CCDC178: variants seen among roughly 807,000 people sequenced by gnomAD.
CCDC178 encodes the protein coiled-coil domain-containing protein 178.
Under a neutral mutation model 117.4 loss-of-function variants are expected in CCDC178, and 126 were observed. The observed-to-expected ratio is 1.07, with a 90% CI of 0.93 to 1.24. CCDC178 has a LOEUF of 1.24. Among genes scored for constraint, CCDC178 ranks in the 50% most tolerant of loss-of-function variants. The pLI is 0.00. For missense variants in CCDC178, 1,030 were observed against 986.9 expected (o/e 1.04, Z -0.59); for synonymous variants, 283 against 313.4 (o/e 0.90, Z 1.02).
At chr18:33,277,013 T>TA (rs976653541) in intron 12 of CCDC178, among the ~76,000 whole-genome samples, 2 of 152,076 alleles carry the variant, frequency 1.3e-5, no homozygotes, top group Non-Finnish European at 2.9e-5. Flanking sequence ...TTTAAGGGAA[T>TA]AAAAAAACTA....
At chr18:33,254,540 A>G in intron 14 of CCDC178, among the ~76,000 whole-genome samples, 1 of 152,010 alleles carries the variant, frequency 6.6e-6, no homozygotes, top group Non-Finnish European at 1.5e-5. Flanking sequence ...GGAAACAAAA[A>G]ACAGATTCCA....
chr18:33,243,794 C>T (rs1299527609), intron 15 of CCDC178, among the ~76,000 whole-genome samples: 1 of 151,492 alleles, frequency 6.6e-6, no homozygotes, highest in African/African-American at 2.4e-5. Context: ...ACAAAGGTTT[C>T]GAGTCAATTA....
At chr18:33,199,214 C>A (rs1032223039) in intron 20 of CCDC178, among the ~76,000 whole-genome samples, 20 of 151,958 alleles carry the variant, frequency 1.3e-4, no homozygotes, top group African/African-American at 4.8e-4. Flanking sequence ...TTAGTGTATA[C>A]CTAGTTGTCC....
chr18:33,047,965 A>G (rs879512408), intron 21 of CCDC178, among the ~76,000 whole-genome samples: 4 of 152,190 alleles, frequency 2.6e-5, no homozygotes, highest in Admixed American at 2.6e-4. Context: ...CTGTCCCCTC[A>G]AAAAGATATG....
At chr18:33,316,152 C>G (rs529028575) in intron 11 of CCDC178, among the ~76,000 whole-genome samples, 24 of 152,210 alleles carry the variant, frequency 1.6e-4, no homozygotes, top group African/African-American at 5.8e-4. Flanking sequence ...TTCAGCCCGC[C>G]GCTGCACTGT....
chr18:33,306,762 T>G (rs1376712104), intron 11 of CCDC178, among the ~76,000 whole-genome samples: 1 of 151,980 alleles, frequency 6.6e-6, no homozygotes, highest in Non-Finnish European at 1.5e-5. Context: ...AAATCTCATC[T>G]TGAATTGTAG....
rs1277476107 is a variant in CCDC178, at chr18:33,303,486, G to C, written c.1023-10174C>G. On this transcript the variant is annotated intron_variant, in intron 11 of 22. Coordinates refer to ENST00000383096, the MANE Select transcript of CCDC178 (RefSeq NM_001105528.4). The stretch of plus-strand genomic sequence containing the variant: ...ATGAGTGAGCTCTATTGTAAACTAT[G>C]ATCTTTGGGTGATAATGATGTGTCA... Among the ~76,000 whole-genome samples, 3 of 152,038 alleles carry C rather than the reference G, an allele frequency of 2.0e-5. No homozygotes were observed. In the East Asian group the frequency reaches 5.8e-4, roughly 29 times the overall value.
At chr18:33,096,353 TAAA>T (rs976202516) in intron 20 of CCDC178, among the ~76,000 whole-genome samples, 1 of 113,904 alleles carries the variant, frequency 8.8e-6, no homozygotes, top group African/African-American at 4.5e-5. Context: ...ATATTTTATA[TAAA>T]AATATAAAAT....
intron 20 of CCDC178, among the ~76,000 whole-genome samples, chr18:33,185,759 C>T (rs1407531141): frequency 6.6e-6 from 1 of 151,938 alleles, no homozygotes; most frequent in East Asian, 1.9e-4. Context: ...TTAACAAGAG[C>T]AGAGAAAACC....
At position 33,215,551 on chromosome 18, in the gene CCDC178, TTAATA is replaced by T; in HGVS notation, c.2072_2076del (p.Ile691LysfsTer10). 7.3e-7 allele frequency: 1 copy of T among 1,365,324 alleles called. No homozygotes were observed. Among genetic ancestry groups the T allele is most frequent in the Non-Finnish European group, 9.8e-7 (1 of 1,020,346 alleles). 84.6% of individuals were successfully genotyped at this position (1,365,324 alleles called of 1,614,324 possible). ...TTTTGATAAAGTTTAAGTACTTACT[TTAATA>T]TTTCAAGTGTCTGATCAAAACTTTT... On this transcript the variant is annotated frameshift_variant and splice_region_variant, in exon 19 of 23. Coordinates refer to ENST00000383096, the MANE Select transcript of CCDC178 (RefSeq NM_001105528.4). LOFTEE classifies it high-confidence loss of function.
intron 7 of CCDC178, among the ~76,000 whole-genome samples, chr18:33,351,617 A>G (rs567721849): frequency 1.3e-5 from 2 of 152,180 alleles, no homozygotes; most frequent in Non-Finnish European, 2.9e-5. Context: ...ATCACAGTTC[A>G]CTGTAAACTT....
At chr18:33,403,979 AT>A (rs2063745473) in intron 3 of CCDC178, among the ~76,000 whole-genome samples, 1 of 152,184 alleles carries the variant, frequency 6.6e-6, no homozygotes, top group Non-Finnish European at 1.5e-5. Flanking sequence ...AAAAATTGCC[AT>A]TTTGAAATAT....
intron 21 of CCDC178, among the ~76,000 whole-genome samples, chr18:33,080,161 A>G (rs1029308841): frequency 2.6e-5 from 4 of 152,186 alleles, no homozygotes; most frequent in African/African-American, 9.6e-5. Context: ...ATCCTTAACA[A>G]CTAATGTAGG....
At chr18:33,282,564 G>A (rs67957369) in intron 12 of CCDC178, among the ~76,000 whole-genome samples, 10,476 of 152,064 alleles carry the variant, frequency 0.069, 561 homozygotes, top group African/African-American at 0.14. Context: ...CTTCTGCATT[G>A]GTAAACCATA....
intron 20 of CCDC178, among the ~76,000 whole-genome samples, chr18:33,168,421 C>G (rs961679568): frequency 6.6e-6 from 1 of 152,042 alleles, no homozygotes; most frequent in Admixed American, 6.6e-5. Flanking sequence ...TCTGGGCTCT[C>G]TATTCTGTTC....
At chr18:33,365,120 G>T (rs1310386673) in intron 6 of CCDC178, among the ~76,000 whole-genome samples, 3 of 152,042 alleles carry the variant, frequency 2.0e-5, no homozygotes, top group Non-Finnish European at 4.4e-5. Flanking sequence ...AGGAACCACA[G>T]AATAGGAAAC....
chr18:33,112,806 A>G (rs969210712), intron 20 of CCDC178, among the ~76,000 whole-genome samples: 1 of 151,874 alleles, frequency 6.6e-6, no homozygotes, highest in South Asian at 2.1e-4. Context: ...TACCACACGT[A>G]TTTATGTCCA....
At position 33,215,568 on chromosome 18, in the gene CCDC178, TG is replaced by T; in HGVS notation, c.2059del (p.Gln687ArgfsTer6). On this transcript the variant is annotated frameshift_variant, in exon 19 of 23. Coordinates refer to ENST00000383096, the MANE Select transcript of CCDC178 (RefSeq NM_001105528.4). LOFTEE classifies it high-confidence loss of function. ...TACTTACTTTAATATTTCAAGTGTCTGATCAAAACTTTTCTTTTCTTCTTCT... is the reference window on the plus strand; with the variant it reads ...TACTTACTTTAATATTTCAAGTGTCTATCAAAACTTTTCTTTTCTTCTTCT... ...AKEEEKKSFD[Q>X]TLEILKNKFI... 7.0e-7 allele frequency: 1 copy of T among 1,437,132 alleles called. No individual in the cohort carries two copies. Among genetic ancestry groups the T allele is most frequent in the South Asian group, 1.4e-5 (1 of 71,982 alleles). The allele number at this position is 1,437,132 out of a possible 1,614,324, so 89.0% of individuals were successfully genotyped here.
chr18:32,944,799 T>A (rs2054310062), intron 22 of CCDC178, among the ~76,000 whole-genome samples: 1 of 152,142 alleles, frequency 6.6e-6, no homozygotes, highest in African/African-American at 2.4e-5. Flanking sequence ...CCCCATACTG[T>A]TCTCATGGTA....
Sources: gnomAD v4.1 joint callset for allele counts (sites outside exome capture counted in the v4.1 genomes callset) on GRCh38, gnomAD v4.1.1 for gene constraint, MANE v1.5 for transcripts, NCBI Gene and HGNC (gene_info 2026-07-23, HGNC 2026-07-21) for gene names.